The following CPNE4 variants were observed in gnomAD, a reference collection of about 807,000 sequenced individuals.
The protein encoded by CPNE4 is copine-4.
A neutral mutation model predicts 67.9 loss-of-function variants in CPNE4; 25 were observed. The observed-to-expected ratio is 0.37, with a 90% CI of 0.27 to 0.51. CPNE4 has a LOEUF of 0.51. Ranked by LOEUF, CPNE4 falls within the 20% of genes least tolerant of loss-of-function variation. CPNE4 has a pLI of 0.93. For synonymous variants in CPNE4, 242 were observed against 244.9 expected, an observed-to-expected ratio of 0.99 and a Z score of 0.11; for missense variants, 464 against 690.8, an observed-to-expected ratio of 0.67 and a Z score of 3.68.
intron 3 of CPNE4, among the ~76,000 whole-genome samples, chr3:131,705,867 C>T (rs916896217): frequency 7.2e-5 from 11 of 152,102 alleles, no homozygotes; most frequent in African/African-American, 1.4e-4. Flanking sequence ...TAATTATACA[C>T]CTTTGCCTCA....
chr3:131,562,296 CA>C (rs1936814829), intron 11 of CPNE4, among the ~76,000 whole-genome samples: 1 of 151,984 alleles, frequency 6.6e-6, no homozygotes, highest in Admixed American at 6.6e-5. Flanking sequence ...AGACGTTCAG[CA>C]GCTTCTTCCA....
upstream of CPNE4, among the ~76,000 whole-genome samples, chr3:132,037,178 T>A (rs552655151): frequency 6.6e-6 from 1 of 152,330 alleles, no homozygotes; most frequent in Non-Finnish European, 1.5e-5. Flanking sequence ...GTTAAAAGCA[T>A]AGATACACAA....
intron 8 of CPNE4, among the ~76,000 whole-genome samples, chr3:131,585,540 G>A (rs1403932260): frequency 6.6e-6 from 1 of 152,164 alleles, no homozygotes; most frequent in Non-Finnish European, 1.5e-5. Context: ...CTGTTTGAAA[G>A]CATTAGGTTT....
chr3:131,812,409 G>A (rs1032488879), intron 2 of CPNE4, among the ~76,000 whole-genome samples: 6 of 152,066 alleles, frequency 3.9e-5, no homozygotes, highest in Non-Finnish European at 8.8e-5. Flanking sequence ...TGCCAAGAAA[G>A]GTGAATATCC....
At chr3:131,922,704 G>C (rs1428258647) in intron 1 of CPNE4, among the ~76,000 whole-genome samples, 1 of 152,210 alleles carries the variant, frequency 6.6e-6, no homozygotes, top group Non-Finnish European at 1.5e-5. Flanking sequence ...TAACTTCTCT[G>C]TTCCTCTGTT....
chr3:131,785,667 CTCTT>C (rs1333363163), intron 2 of CPNE4, among the ~76,000 whole-genome samples: 1 of 100,144 alleles, frequency 1.0e-5, no homozygotes, highest in African/African-American at 3.5e-5. Context: ...CTCTCTTTCT[CTCTT>C]TCTCTCTCTC....
intron 2 of CPNE4, among the ~76,000 whole-genome samples, chr3:131,732,409 G>A (rs1241081804): frequency 5.9e-5 from 9 of 152,140 alleles, no homozygotes; most frequent in Non-Finnish European, 1.2e-4. Context: ...TATGTACCAG[G>A]AGACCAGCCC....
At chr3:131,974,527 A>G (rs567138418) in intron 1 of CPNE4, among the ~76,000 whole-genome samples, 1 of 152,304 alleles carries the variant, frequency 6.6e-6, no homozygotes, top group East Asian at 1.9e-4. Flanking sequence ...AAAGATACCA[A>G]GCAGCATCTA....
chr3:131,783,127 A>T (rs1229638498), intron 2 of CPNE4, among the ~76,000 whole-genome samples: 3 of 152,096 alleles, frequency 2.0e-5, no homozygotes, highest in South Asian at 2.1e-4. Context: ...ATGCTGATAA[A>T]AATTAAAACG....
At chr3:131,575,883 C>T (rs932326613) in intron 9 of CPNE4, among the ~76,000 whole-genome samples, 12 of 150,936 alleles carry the variant, frequency 8.0e-5, no homozygotes, top group Non-Finnish European at 1.3e-4. Context: ...CAACTGCCAT[C>T]ATGTGTTCTC....
At chr3:131,951,721 C>G (rs903799858) in intron 1 of CPNE4, among the ~76,000 whole-genome samples, 10 of 152,244 alleles carry the variant, frequency 6.6e-5, no homozygotes, top group Non-Finnish European at 1.5e-4. Context: ...TGCCGCCACG[C>G]CTGACTGGTT....
chr3:131,549,868 G>C, intron 14 of CPNE4, 79 bp downstream of exon 14: 1 of 1,497,928 alleles, frequency 6.7e-7, no homozygotes, highest in Admixed American at 1.8e-5. Flanking sequence ...TTTATTGTTA[G>C]AGTGAGATGG....
At chr3:131,761,441 G>A (rs1301865801) in intron 2 of CPNE4, among the ~76,000 whole-genome samples, 4 of 151,892 alleles carry the variant, frequency 2.6e-5, no homozygotes, top group African/African-American at 9.7e-5. Context: ...GAGAAAAATG[G>A]AATTTTTAAA....
chr3:131,822,215 C>T (rs1225216817), intron 2 of CPNE4, among the ~76,000 whole-genome samples: 5 of 152,018 alleles, frequency 3.3e-5, no homozygotes, highest in Non-Finnish European at 4.4e-5. Context: ...AATCTTCAGC[C>T]TACAACAAAA....
intron 2 of CPNE4, among the ~76,000 whole-genome samples, chr3:131,832,355 G>C (rs1293744994): frequency 1.3e-5 from 2 of 152,160 alleles, no homozygotes; most frequent in Non-Finnish European, 2.9e-5. Flanking sequence ...ACACAAAGGA[G>C]AGTCAGAGAT....
intron 2 of CPNE4, among the ~76,000 whole-genome samples, chr3:131,799,903 CGTGTGTGTGTGTGTGTTGTGTGTGT>C (rs1278177913): frequency 6.6e-5 from 9 of 136,182 alleles, no homozygotes; most frequent in East Asian, 4.3e-4. Flanking sequence ...TTTGTTGGTG[CGTGTGTGTGTGTGTGTTGTGTGTGT>C]GTGTGTGTGT....
intron 1 of CPNE4, among the ~76,000 whole-genome samples, chr3:131,917,884 C>G (rs1436493661): frequency 6.6e-6 from 1 of 152,116 alleles, no homozygotes; most frequent in Non-Finnish European, 1.5e-5. Context: ...CTAGTTCTCA[C>G]TGAATGTGAA....
At chr3:131,656,472 A>G (rs1211834068) in intron 7 of CPNE4, among the ~76,000 whole-genome samples, 9 of 152,230 alleles carry the variant, frequency 5.9e-5, no homozygotes, top group Non-Finnish European at 5.9e-5. Context: ...CCAAATAGCA[A>G]AAAATCTGGT....
At chr3:131,671,886 T>G (rs1337865761) in intron 6 of CPNE4, among the ~76,000 whole-genome samples, 1 of 152,154 alleles carries the variant, frequency 6.6e-6, no homozygotes, top group Non-Finnish European at 1.5e-5. Context: ...AGTCACCATA[T>G]TGTTCTGTCA....
Sources: gnomAD v4.1 joint callset for allele counts (sites outside exome capture counted in the v4.1 genomes callset) on GRCh38, gnomAD v4.1.1 for gene constraint, MANE v1.5 for transcripts, NCBI Gene and HGNC (gene_info 2026-07-23, HGNC 2026-07-21) for gene names.